Variants in KANK1 observed in about 807,000 individuals in gnomAD.
The protein encoded by KANK1 is KN motif and ankyrin repeat domains 1.
Under a neutral mutation model 106.2 loss-of-function variants are expected in KANK1, and 109 were observed. The observed-to-expected ratio is 1.03, with a 90% CI of 0.88 to 1.20. The LOEUF (loss-of-function observed/expected upper bound fraction) is 1.20, where lower values mean the gene tolerates loss of function less well. Among genes scored for constraint, KANK1 ranks in the 50% most tolerant of loss-of-function variants. The probability of loss-of-function intolerance (pLI) is 0.00; values close to 1 mark genes in which losing one functional copy is unlikely to be tolerated. For synonymous variants in KANK1, 873 were observed against 652.2 expected, an observed-to-expected ratio of 1.34 and a Z score of -5.16; for missense variants, 2,399 against 1,710.7, an observed-to-expected ratio of 1.40 and a Z score of -7.10.
At chr9:639,310 A>G (rs897740349) in intron 1 of KANK1, among the ~76,000 whole-genome samples, 2 of 152,052 alleles carry the variant, frequency 1.3e-5, no homozygotes, top group South Asian at 4.2e-4. Context: ...ATCTTTGATT[A>G]TTTTATTTTT....
At chr9:524,681 C>A (rs1173840440) in intron 1 of KANK1, among the ~76,000 whole-genome samples, 2 of 151,514 alleles carry the variant, frequency 1.3e-5, no homozygotes, top group South Asian at 4.1e-4. Flanking sequence ...CGACACCCGG[C>A]TAATTTTTGT....
intron 1 of KANK1, among the ~76,000 whole-genome samples, chr9:632,216 C>A (rs926564397): frequency 6.6e-6 from 1 of 152,260 alleles, no homozygotes; most frequent in South Asian, 2.1e-4. Context: ...CAGATATTGG[C>A]AGCCAGCTTT....
chr9:652,892 A>G (rs1284013711), intron 1 of KANK1, among the ~76,000 whole-genome samples: 1 of 152,154 alleles, frequency 6.6e-6, no homozygotes, highest in African/African-American at 2.4e-5. Context: ...GGATGGGGAA[A>G]AAGTAGCCAC....
At chr9:530,601 A>G (rs2133501798) in intron 1 of KANK1, among the ~76,000 whole-genome samples, 1 of 152,264 alleles carries the variant, frequency 6.6e-6, no homozygotes, top group Non-Finnish European at 1.5e-5. Context: ...ACACTATTCT[A>G]ATTGTTAAGA....
At chr9:663,598 A>G (rs1406258979) in intron 1 of KANK1, among the ~76,000 whole-genome samples, 3 of 152,186 alleles carry the variant, frequency 2.0e-5, no homozygotes, top group African/African-American at 7.2e-5. Context: ...TTTCTTTTGT[A>G]GCAGAACAGC....
At chr9:719,494 T>C (rs1412278996) in intron 3 of KANK1, among the ~76,000 whole-genome samples, 2 of 152,338 alleles carry the variant, frequency 1.3e-5, no homozygotes, top group Admixed American at 6.5e-5. Flanking sequence ...CACTCTTCTT[T>C]TTTGTGTTTT....
chr9:556,915 T>G (rs566502403), intron 1 of KANK1, among the ~76,000 whole-genome samples: 29 of 152,304 alleles, frequency 1.9e-4, no homozygotes, highest in African/African-American at 6.7e-4. Flanking sequence ...GGACTCCTGT[T>G]TGAACAAACC....
chr9:626,423 C>T (rs773099964), intron 1 of KANK1, among the ~76,000 whole-genome samples: 2 of 151,986 alleles, frequency 1.3e-5, no homozygotes, highest in African/African-American at 2.4e-5. Context: ...AGCGAGACTC[C>T]ATCTCAAAAA....
At chr9:483,955 T>A (rs998749938) in intron 3 of KANK1, among the ~76,000 whole-genome samples, 1 of 152,164 alleles carries the variant, frequency 6.6e-6, no homozygotes, top group East Asian at 1.9e-4. Context: ...ATAAAAGGGC[T>A]TAAAGTTCAT....
intron 2 of KANK1, among the ~76,000 whole-genome samples, chr9:702,918 T>A (rs1291769720): frequency 6.6e-6 from 1 of 152,152 alleles, no homozygotes; most frequent in Admixed American, 6.6e-5. Flanking sequence ...TTAACTCGGT[T>A]CTGTTTTGAT....
intron 1 of KANK1, among the ~76,000 whole-genome samples, chr9:564,386 A>G (rs554320342): frequency 5.3e-5 from 8 of 152,276 alleles, no homozygotes; most frequent in Non-Finnish European, 1.2e-4. Context: ...GTAGCAAAGT[A>G]GAAGTTGTAA....
intron 1 of KANK1, among the ~76,000 whole-genome samples, chr9:546,759 A>G (rs1329836079): frequency 6.6e-6 from 1 of 150,770 alleles, no homozygotes; most frequent in Non-Finnish European, 1.5e-5. Context: ...GTATTTTAAT[A>G]GTATCTGTCA....
chr9:744,780 G>A, intron 11 of KANK1, 191 bp downstream of exon 11: 2 of 1,474,162 alleles, frequency 1.4e-6, no homozygotes, highest in Non-Finnish European at 1.8e-6. Flanking sequence ...TTTTAGCAGA[G>A]GCTGGACCTT....
chr9:529,236 C>CACACACACACACACACACACATAT (rs1441481685), intron 1 of KANK1, among the ~76,000 whole-genome samples: 1 of 140,306 alleles, frequency 7.1e-6, no homozygotes, highest in Non-Finnish European at 1.6e-5. Flanking sequence ...TATATATATA[C>CACACACACACACACACACACATAT]ACACACACAC....
At position 744,403 on chromosome 9, in the gene KANK1, TA is replaced by T; in HGVS notation, c.3898-87del. On this transcript the variant is annotated intron_variant, in intron 10 of 11. Coordinates refer to ENST00000382297, the MANE Select transcript of KANK1 (RefSeq NM_015158.5). ...GGGATATTTGGGGAACCTTGCCAAT[TA>T]TTGGAGGGTGTTTTGTTCTGTTACC... The T allele has an allele frequency of 1.4e-6, 2 of 1,448,718 alleles. 1 individual carries two copies. The highest frequency in any genetic ancestry group is 2.7e-5 in the South Asian group (2 of 73,112). 89.7% of individuals were successfully genotyped at this position (1,448,718 alleles called of 1,614,324 possible).
chr9:567,495 G>C (rs1238951083), intron 1 of KANK1, among the ~76,000 whole-genome samples: 1 of 152,220 alleles, frequency 6.6e-6, no homozygotes, highest in African/African-American at 2.4e-5. Context: ...AATGACGAAG[G>C]ACAACTTGGA....
At chr9:567,994 G>GTT (rs60885769) in intron 1 of KANK1, among the ~76,000 whole-genome samples, 1 of 147,216 alleles carries the variant, frequency 6.8e-6, no homozygotes, top group African/African-American at 2.5e-5. Flanking sequence ...GGCATTGTTG[G>GTT]TTTTTTTTTT....
intron 1 of KANK1, chr9:660,135 C>A: frequency 2.6e-6 from 1 of 378,326 alleles, no homozygotes; most frequent in Non-Finnish European, 5.3e-6. Context: ...GTCCAAGGGA[C>A]TGCTGATGAT....
upstream of KANK1, chr9:504,577 G>A (rs2058639254): frequency 6.6e-6 from 1 of 150,822 alleles, no homozygotes; most frequent in East Asian, 2.0e-4. Context: ...CACCGCGGGT[G>A]AGAGGCTTGC....
Sources: allele counts gnomAD v4.1 joint callset (sites outside exome capture counted in the v4.1 genomes callset), GRCh38; gene constraint gnomAD v4.1.1; transcripts MANE v1.5; gene names NCBI Gene and HGNC (gene_info 2026-07-23, HGNC 2026-07-21).